Variants in CMTM4 observed in about 807,000 individuals in gnomAD.
CMTM4 encodes the protein CKLF-like MARVEL transmembrane domain-containing protein 4.
In CMTM4, 8 loss-of-function variants were observed where a neutral mutation model predicts 19.0. That is an observed-to-expected ratio of 0.42 (90% CI 0.25 to 0.76). The LOEUF is 0.76. CMTM4 is among the 30% of genes least tolerant of loss of function. The probability of loss-of-function intolerance (pLI) is 0.27; values close to 1 mark genes in which losing one functional copy is unlikely to be tolerated. For missense variants in CMTM4, 228 were observed against 290.2 expected, an observed-to-expected ratio of 0.79 and a Z score of 1.56; for synonymous variants, 106 against 121.1, an observed-to-expected ratio of 0.88 and a Z score of 0.82.
chr16:66,633,008 C>G (rs1249222225), intron 2 of CMTM4, among the ~76,000 whole-genome samples: 1 of 150,964 alleles, frequency 6.6e-6, no homozygotes, highest in Non-Finnish European at 1.5e-5. Context: ...TCGTTTGAAC[C>G]TGGGAGGTGG....
At chr16:66,681,753 G>A (rs753997473) in intron 1 of CMTM4, among the ~76,000 whole-genome samples, 2 of 151,822 alleles carry the variant, frequency 1.3e-5, no homozygotes, top group African/African-American at 2.4e-5. Context: ...CTAACAAATC[G>A]GCCCCTCACC....
intron 1 of CMTM4, among the ~76,000 whole-genome samples, chr16:66,682,407 A>G (rs921920010): frequency 6.6e-6 from 1 of 152,056 alleles, no homozygotes; most frequent in Non-Finnish European, 1.5e-5. Context: ...ACTGGCACAA[A>G]AATCTTTTAG....
chr16:66,607,771 G>A, the CMTM4 span, among the ~76,000 whole-genome samples: 1 of 152,046 alleles, frequency 6.6e-6, no homozygotes, highest in South Asian at 2.1e-4. Flanking sequence ...GTGGGGTAAG[G>A]TGAGGACTCA....
rs200231322 is a variant in CMTM4, at chr16:66,683,170, T to TATATACATATATATATATATATAC, written c.186+13169_186+13170insGTATATATATATATATATGTATAT. Among the ~76,000 whole-genome samples, 4 of 83,938 alleles carry TATATACATATATATATATATATAC rather than the reference T, an allele frequency of 4.8e-5. No homozygotes were observed. In the South Asian group the frequency reaches 2.2e-3, roughly 47 times the overall value. The allele number at this position is 83,938 out of a possible 152,430, so 55.1% of individuals were successfully genotyped here. ...ATGTATATATATATACGTATATATA[T>TATATACATATATATATATATATAC]ATATACATATGTATATATATATACA... On this transcript the variant is annotated intron_variant, in intron 1 of 3. Coordinates refer to ENST00000394106, the MANE Select transcript of CMTM4 (RefSeq NM_181521.3).
At chr16:66,626,909 G>C (rs1382242005) in intron 2 of CMTM4, among the ~76,000 whole-genome samples, 1 of 152,028 alleles carries the variant, frequency 6.6e-6, no homozygotes, top group African/African-American at 2.4e-5. Context: ...AGACCAGCCT[G>C]GGCAACACAG....
In CMTM4 at chr16:66,696,404, G is replaced by A. The variant is rs2017237511; in HGVS notation, c.122C>T (p.Ala41Val). 2.8e-6 allele frequency: 4 copies of A among 1,410,022 alleles called. No individual in the cohort carries two copies. Among genetic ancestry groups the A allele is most frequent in the African/African-American group, 1.5e-5 (1 of 66,260 alleles). The allele number at this position is 1,410,022 out of a possible 1,614,324, so 87.3% of individuals were successfully genotyped here. A position where few individuals can be genotyped will look rare whatever the true frequency, so the allele number is the denominator to read the frequency against. The change falls in exon 1 of 4, where the codon GCC (alanine) becomes GTC (valine). Residue 41 changes from alanine (A) to valine (V), a missense_variant. Physicochemically the swap from Ala to Val is moderately conservative, Grantham distance 64 (BLOSUM62 0). This residue lies in a region of CMTM4 where 200 missense variants were observed against 226.6 expected (regional missense o/e 0.88). Coordinates refer to ENST00000394106, the MANE Select transcript of CMTM4 (RefSeq NM_181521.3). The surrounding 1 kb of genome is among the most constrained non-coding windows in gnomAD (Gnocchi z 4.3). ...TEPVSQRRGLAGLRCDPDYLR... is the reference protein window; with the variant it reads ...TEPVSQRRGLVGLRCDPDYLR... ...GTAGTCGGGGTCGCAGCGCAGGCCG[G>A]CCAGCCCGCGGCGCTGGCTCACCGG...
chr16:66,673,527 G>GA (rs2016751746), intron 1 of CMTM4, among the ~76,000 whole-genome samples: 1 of 152,022 alleles, frequency 6.6e-6, no homozygotes, highest in African/African-American at 2.4e-5. Flanking sequence ...ATTATTTACA[G>GA]AAAATGCCTC....
At position 66,696,046 on chromosome 16, in the gene CMTM4, A is replaced by C. The variant is rs377181148; in HGVS notation, c.186+294T>G. On this transcript the variant is annotated intron_variant, in intron 1 of 3. Coordinates refer to ENST00000394106, the MANE Select transcript of CMTM4 (RefSeq NM_181521.3). The surrounding 1 kb of genome is among the most constrained non-coding windows in gnomAD (Gnocchi z 4.3). ...ATTCCCAGCAGCACCCAGCCCAGTA[A>C]CGCCACAGACTCCCGGGAGCGAGGG... Among the ~76,000 whole-genome samples, 2 of 152,272 alleles carry C rather than the reference A, an allele frequency of 1.3e-5. No individual in the cohort carries two copies. The highest frequency in any genetic ancestry group is 4.8e-5 in the African/African-American group (2 of 41,574).
At chr16:66,656,032 G>A (rs1049900394) in intron 1 of CMTM4, among the ~76,000 whole-genome samples, 3 of 152,140 alleles carry the variant, frequency 2.0e-5, no homozygotes, top group African/African-American at 2.4e-5. Flanking sequence ...TTGAGCTCAG[G>A]AGGTCAAGGC....
Position 66,618,725 on chromosome 16 carries a change from T to TA in CMTM4, c.*3332dup. 1.0e-6 allele frequency: 1 copy of TA among 985,502 alleles called. No individual in the cohort carries two copies. The highest frequency in any genetic ancestry group is 1.2e-6 in the Non-Finnish European group (1 of 829,962). 61.0% of individuals were successfully genotyped at this position (985,502 alleles called of 1,614,324 possible). A position where few individuals can be genotyped will look rare whatever the true frequency, so the allele number is the denominator to read the frequency against. On this transcript the variant is annotated 3_prime_UTR_variant, in exon 4 of 4. Transcript: ENST00000394106. ...GGACAGCTTCCAAGAACCACAGATG[T>TA]AACTGCAAACTTGAAGAGAGTCAGA...
At chr16:66,665,071 GC>G (rs1372044015) in intron 1 of CMTM4, among the ~76,000 whole-genome samples, 2 of 151,882 alleles carry the variant, frequency 1.3e-5, no homozygotes, top group African/African-American at 4.8e-5. Context: ...AGCCTCCCTA[GC>G]AGCTAGAATT....
At chr16:66,613,866 TAC>T (rs1405559859), downstream of CMTM4, 2 of 151,788 alleles carry the variant, frequency 1.3e-5, no homozygotes, top group East Asian at 3.9e-4. Flanking sequence ...TTAGCAAAAA[TAC>T]ACGTGAAATC....
At chr16:66,634,614 AG>A (rs958133925) in intron 2 of CMTM4, among the ~76,000 whole-genome samples, 7 of 152,134 alleles carry the variant, frequency 4.6e-5, no homozygotes, top group African/African-American at 1.7e-4. Context: ...GGAAGTAAAC[AG>A]GGGAACAGTG....
Position 66,617,213 on chromosome 16 carries a change from C to A in CMTM4, c.*4845G>T, listed in dbSNP as rs1330846363. 2 of 1,520,994 alleles carry A rather than the reference C, an allele frequency of 1.3e-6. No individual in the cohort carries two copies. The highest frequency in any genetic ancestry group is 2.8e-5 in the African/African-American group (2 of 72,462). 94.2% of individuals were successfully genotyped at this position (1,520,994 alleles called of 1,614,324 possible). A position where few individuals can be genotyped will look rare whatever the true frequency, so the allele number is the denominator to read the frequency against. Reference sequence around the variant, plus strand: ...TAAAGCCTCAGCATAAAAAAACAAACATAGACAACAAACTTACCCTATGAA... The same window carrying A: ...TAAAGCCTCAGCATAAAAAAACAAAAATAGACAACAAACTTACCCTATGAA... On this transcript the variant is annotated 3_prime_UTR_variant, in exon 4 of 4. Transcript: ENST00000394106.
chr16:66,604,917 T>A, the CMTM4 span: 1 of 1,491,394 alleles, frequency 6.7e-7, no homozygotes, highest in Non-Finnish European at 8.8e-7. Context: ...GGCTTTCCTC[T>A]GCTCTCTCAA....
chr16:66,677,453 G>A (rs1180887637), intron 1 of CMTM4, among the ~76,000 whole-genome samples: 2 of 152,258 alleles, frequency 1.3e-5, no homozygotes, highest in Non-Finnish European at 2.9e-5. Flanking sequence ...CAGCCAGGCT[G>A]AGGCTGGCAG....
intron 1 of CMTM4, among the ~76,000 whole-genome samples, chr16:66,645,989 A>G (rs1016848828): frequency 6.6e-6 from 1 of 152,094 alleles, no homozygotes; most frequent in Admixed American, 6.6e-5. Context: ...AAAAACAAAC[A>G]AACAAACAAA....
chr16:66,633,660 A>T (rs1034479425), intron 2 of CMTM4, among the ~76,000 whole-genome samples: 9 of 152,130 alleles, frequency 5.9e-5, no homozygotes, highest in African/African-American at 2.2e-4. Context: ...TCTATTAAAA[A>T]TACAAAAATT....
At chr16:66,605,101 T>C in the CMTM4 span, 1 of 768,096 alleles carries the variant, frequency 1.3e-6, no homozygotes. This position sits in a 1 kb window ranked among gnomAD's most constrained non-coding sequence, Gnocchi z 4.6. Context: ...CTCGGGCGCC[T>C]GGCGAAGTTG....
Sources: gnomAD v4.1 joint callset for allele counts (sites outside exome capture counted in the v4.1 genomes callset) on GRCh38, gnomAD v4.1.1 for gene constraint, gnomAD v4.1.1 regional missense constraint, Gnocchi (gnomAD v3.1) non-coding constraint, MANE v1.5 for transcripts, NCBI Gene and HGNC (gene_info 2026-07-23, HGNC 2026-07-21) for gene names.